The following COX15 variants were observed in gnomAD, a reference collection of about 807,000 sequenced individuals.
The protein encoded by COX15 is cytochrome c oxidase assembly factor COX15, also known as heme A synthase COX15.
A neutral mutation model predicts 51.9 loss-of-function variants in COX15; 51 were observed. The ratio of observed to expected loss-of-function variants is 0.98; its 90% CI spans 0.78 to 1.24. COX15 has a LOEUF of 1.24. Among genes scored for constraint, COX15 ranks in the 50% most tolerant of loss-of-function variants. COX15 has a pLI of 0.00. For missense variants in COX15, 420 were observed against 501.1 expected (o/e 0.84, Z 1.55); for synonymous variants, 188 against 190.5 (o/e 0.99, Z 0.11).
chr10:99,724,634 G>T (rs895899055), intron 4 of COX15, among the ~76,000 whole-genome samples: 1 of 150,758 alleles, frequency 6.6e-6, no homozygotes, highest in Non-Finnish European at 1.5e-5. Flanking sequence ...CTACTATTTA[G>T]ATCAGAAGTG....
chr10:99,705,303 A>T, the COX15 span: 6 of 154,066 alleles, frequency 3.9e-5, no homozygotes, highest in East Asian at 1.2e-3. Context: ...TTAGTACATG[A>T]TTTTAAAGGT....
chr10:99,714,576 T>G lies in COX15; in HGVS notation c.*11A>C. 6.2e-7 allele frequency: 1 copy of G among 1,614,002 alleles called. No individual in the cohort carries two copies. Among genetic ancestry groups the G allele is most frequent in the Non-Finnish European group, 8.5e-7 (1 of 1,179,982 alleles). On this transcript the variant is annotated 3_prime_UTR_variant, in exon 9 of 9. Transcript: ENST00000016171. Reference sequence around the variant, plus strand: ...AGCAGTCACAGTCCCAGGAGGCTGGTCCTCTAAGAATCATTTTGGGACTCT... The same window carrying G: ...AGCAGTCACAGTCCCAGGAGGCTGGGCCTCTAAGAATCATTTTGGGACTCT...
At chr10:99,705,219 A>G in the COX15 span, 1 of 159,602 alleles carries the variant, frequency 6.3e-6, no homozygotes, top group African/African-American at 2.4e-5. Context: ...CCAAAATGAT[A>G]TAACTTCCTT....
chr10:99,704,432 A>G, the COX15 span: 1 of 1,613,506 alleles, frequency 6.2e-7, no homozygotes, highest in Non-Finnish European at 8.5e-7. Context: ...TCCACCTACA[A>G]ATTCTTAATT....
the COX15 span, among the ~76,000 whole-genome samples, chr10:99,702,058 CAA>C: frequency 1.3e-5 from 2 of 151,258 alleles, no homozygotes; most frequent in Non-Finnish European, 3.0e-5. Flanking sequence ...CAAAAAAAAA[CAA>C]AAATTGTTTT....
chr10:99,723,982 G>A lies in COX15; in HGVS notation c.724C>T (p.Leu242=). Residue 242 remains leucine (L), a synonymous_variant, in exon 5 of 9, where the codon CTG becomes TTG. Coordinates refer to ENST00000016171, the MANE Select transcript of COX15 (RefSeq NM_078470.6). ...TTGTGCGGAGGGAGTAGCAGTGACA[G>A]TGAGGTCCACAAGCTGGCACAATAA... is the stretch of plus-strand genomic sequence containing the variant. ...VLYCASLWTS[L]SLLLPPHKLP... 1 of 1,614,004 alleles carries A rather than the reference G, an allele frequency of 6.2e-7. No individual in the cohort carries two copies. Among genetic ancestry groups the A allele is most frequent in the South Asian group, 1.1e-5 (1 of 91,066 alleles).
At chr10:99,704,579 C>T in the COX15 span, 21 of 1,614,060 alleles carry the variant, frequency 1.3e-5, no homozygotes, top group East Asian at 8.9e-5. Flanking sequence ...ATACCTTCTG[C>T]GGCTACGCCG....
the COX15 span, chr10:99,698,493 T>A: frequency 6.6e-7 from 1 of 1,515,234 alleles, no homozygotes; most frequent in Admixed American, 1.8e-5. Context: ...AATACAGGCA[T>A]GACGTGTTTG....
chr10:99,698,696 T>C, the COX15 span: 8 of 1,614,182 alleles, frequency 5.0e-6, no homozygotes, highest in South Asian at 8.8e-5. Context: ...CCCTGCTGGC[T>C]CGCTCCAACA....
the COX15 span, among the ~76,000 whole-genome samples, chr10:99,699,245 T>C: frequency 2.0e-5 from 3 of 152,234 alleles, no homozygotes; most frequent in Non-Finnish European, 2.9e-5. Context: ...CTTTTGGAGA[T>C]GATATCACCC....
chr10:99,711,610 G>A lies in COX15; in HGVS notation c.*2977C>T. On this transcript the variant is annotated 3_prime_UTR_variant, in exon 9 of 9. Transcript: ENST00000016171. ...TTGTCTGCACATTGGAATCACCTGG[G>A]GAACTTTAAAAATATGCCTTTTACT... 1.0e-6 allele frequency: 1 copy of A among 984,876 alleles called. No homozygotes were observed. Among genetic ancestry groups the A allele is most frequent in the Non-Finnish European group, 1.2e-6 (1 of 829,474 alleles). The allele number at this position is 984,876 out of a possible 1,614,324, so 61.0% of individuals were successfully genotyped here. A position where few individuals can be genotyped will look rare whatever the true frequency, so the allele number is the denominator to read the frequency against.
chr10:99,727,178 AAGG>A lies in COX15; in HGVS notation c.396-27_396-25del, dbSNP rs749382594. On this transcript the variant is annotated intron_variant, in intron 3 of 8. Transcript: ENST00000016171. ...AGCTGGGTGAAATGGAAAGTCAAAA[AAGG>A]AGGAGGAGGAAACATCCTTCTGATT... 82 of 1,611,828 alleles carry A rather than the reference AAGG, an allele frequency of 5.1e-5. No individual in the cohort carries two copies. The African/African-American group carries it at 1.0e-3, about 20-fold the overall frequency.
chr10:99,704,573 C>T, the COX15 span: 2 of 1,614,186 alleles, frequency 1.2e-6, no homozygotes, highest in South Asian at 2.2e-5. Context: ...CTTCCTATAC[C>T]TTCTGCGGCT....
chr10:99,704,742 C>A, the COX15 span: 1 of 1,469,170 alleles, frequency 6.8e-7, no homozygotes, highest in Non-Finnish European at 9.3e-7. Context: ...TTGAATTCCT[C>A]CACTTTCTTA....
chr10:99,727,093 G>A lies in COX15; in HGVS notation c.457C>T (p.Arg153Ter), dbSNP rs772578318. 11 of 1,614,020 alleles carry A rather than the reference G, an allele frequency of 6.8e-6. No homozygotes were observed. The highest frequency in any genetic ancestry group is 1.1e-5 in the South Asian group (1 of 91,090). Residue 153 changes from arginine (R) to a stop codon, truncating the protein, a stop_gained, in exon 4 of 9, where the codon CGA (arginine) becomes TGA (stop). Coordinates refer to ENST00000016171, the MANE Select transcript of COX15 (RefSeq NM_078470.6). LOFTEE classifies it high-confidence loss of function. ...KFIWYMEYSHRMWGRLVGLVY... is the reference protein window; with the variant it reads ...KFIWYMEYSH ...AGGCCTACAAGGCGACCCCACATTCGGTGTGAGTACTCCATGTACCAGATG... is the reference window on the plus strand; with the variant it reads ...AGGCCTACAAGGCGACCCCACATTCAGTGTGAGTACTCCATGTACCAGATG...
intron 4 of COX15, among the ~76,000 whole-genome samples, chr10:99,726,707 G>A (rs1313750008): frequency 6.6e-6 from 1 of 152,034 alleles, no homozygotes; most frequent in Non-Finnish European, 1.5e-5. Context: ...CTAACATGGT[G>A]AAACCCCGTC....
At chr10:99,696,243 C>T in the COX15 span, 1 of 1,200,538 alleles carries the variant, frequency 8.3e-7, no homozygotes, top group South Asian at 1.5e-5. Flanking sequence ...TCTGACTACC[C>T]CTGCCAATGG....
chr10:99,732,039 A>C lies in COX15; in HGVS notation c.11T>G (p.Leu4Trp). The change falls in exon 1 of 9, where the codon TTG (leucine) becomes TGG (tryptophan). Residue 4 changes from leucine to tryptophan, a missense_variant. By Grantham distance (61) the Leu-to-Trp change is moderately conservative. Transcript: ENST00000016171. ...CAAGGCCCTCAACGGCGGAAAGAGC[A>C]ATCGCTGCATACTGATGACAGGGAA... MQR[L>W]LFPPLRALKG... 3 of 1,613,012 alleles carry C rather than the reference A, an allele frequency of 1.9e-6. No homozygotes were observed. The highest frequency in any genetic ancestry group is 2.5e-6 in the Non-Finnish European group (3 of 1,179,674).
chr10:99,698,232 C>T, the COX15 span, among the ~76,000 whole-genome samples: 1 of 152,154 alleles, frequency 6.6e-6, no homozygotes, highest in Non-Finnish European at 1.5e-5. Flanking sequence ...TTAGGAGGTA[C>T]GTGGGAATGA....
Sources: gnomAD v4.1 joint callset for allele counts (sites outside exome capture counted in the v4.1 genomes callset) on GRCh38, gnomAD v4.1.1 for gene constraint, MANE v1.5 for transcripts, NCBI Gene and HGNC (gene_info 2026-07-23, HGNC 2026-07-21) for gene names.